YAP1: variants seen among roughly 807,000 people sequenced by gnomAD.
YAP1 encodes the protein Yes1 associated transcriptional regulator.
YAP1 carries 5 observed loss-of-function variants against 56.9 expected under a neutral mutation model. That is an observed-to-expected ratio of 0.09 (90% CI 0.05 to 0.18). The LOEUF is 0.18. YAP1 is among the 10% of genes least tolerant of loss of function. YAP1 has a pLI of 1.00. For synonymous variants in YAP1, 265 were observed against 248.1 expected (o/e 1.07, Z -0.64); for missense variants, 539 against 651.8 (o/e 0.83, Z 1.88).
chr11:102,182,758 T>C (rs1343810056), intron 3 of YAP1, among the ~76,000 whole-genome samples: 1 of 152,248 alleles, frequency 6.6e-6, no homozygotes, highest in African/African-American at 2.4e-5. Flanking sequence ...GGTGCGCAGC[T>C]TTCTTTCAGT....
intron 1 of YAP1, among the ~76,000 whole-genome samples, chr11:102,112,992 T>A (rs933784344): frequency 6.6e-6 from 1 of 151,918 alleles, no homozygotes; most frequent in Non-Finnish European, 1.5e-5. Context: ...TATAGTTTTG[T>A]TTGTTTTAAA....
intron 2 of YAP1, among the ~76,000 whole-genome samples, chr11:102,147,117 A>G (rs937437144): frequency 1.3e-5 from 2 of 152,200 alleles, no homozygotes; most frequent in Non-Finnish European, 2.9e-5. Context: ...TCGTAGAACT[A>G]ATAAGTGGCA....
chr11:102,212,881 A>G (rs951586837), intron 6 of YAP1, among the ~76,000 whole-genome samples: 3 of 152,116 alleles, frequency 2.0e-5, no homozygotes, highest in Non-Finnish European at 4.4e-5. Context: ...ACACCCTGCC[A>G]AAGAGCTTAA....
chr11:102,151,516 C>A (rs541348410), intron 2 of YAP1, among the ~76,000 whole-genome samples: 1 of 152,246 alleles, frequency 6.6e-6, no homozygotes, highest in Non-Finnish European at 1.5e-5. Flanking sequence ...TATCCTCTAT[C>A]ATTTTATATT....
At chr11:102,186,405 G>T in intron 4 of YAP1, 1 of 331,460 alleles carries the variant, frequency 3.0e-6, no homozygotes, top group Non-Finnish European at 5.6e-6. Flanking sequence ...TCACATTTTG[G>T]GAGAAACACA....
intron 3 of YAP1, among the ~76,000 whole-genome samples, chr11:102,166,319 T>G (rs1946606480): frequency 6.6e-6 from 1 of 152,216 alleles, no homozygotes; most frequent in Non-Finnish European, 1.5e-5. Flanking sequence ...CTGTTGTCTT[T>G]TCTTCCATTT....
intron 7 of YAP1, among the ~76,000 whole-genome samples, chr11:102,226,011 GCTT>G: frequency 6.6e-6 from 1 of 152,324 alleles, no homozygotes. Context: ...ATGCCCATGT[GCTT>G]CCCCTGTGGT....
intron 3 of YAP1, 144 bp from the exon 4 acceptor site, chr11:102,185,874 C>A (rs1170427090): frequency 2.6e-6 from 2 of 764,874 alleles, no homozygotes; most frequent in East Asian, 3.1e-5. Context: ...GTTTACCTTT[C>A]TTCTCTGAAC....
chr11:102,187,119 C>T (rs1231611214), intron 4 of YAP1, among the ~76,000 whole-genome samples: 1 of 151,690 alleles, frequency 6.6e-6, no homozygotes, highest in African/African-American at 2.4e-5. Flanking sequence ...CACAACCCTG[C>T]GGGGGGAAAA....
intron 4 of YAP1, among the ~76,000 whole-genome samples, chr11:102,203,783 G>A (rs1243062193): frequency 1.3e-5 from 2 of 152,136 alleles, no homozygotes; most frequent in African/African-American, 2.4e-5. Flanking sequence ...GAATAGAACA[G>A]TCATGAATTA....
At chr11:102,202,682 G>T (rs1305003371) in intron 4 of YAP1, among the ~76,000 whole-genome samples, 3 of 152,110 alleles carry the variant, frequency 2.0e-5, no homozygotes, top group African/African-American at 7.2e-5. Context: ...GGGAAGGAAT[G>T]ATACCATCAT....
intron 4 of YAP1, chr11:102,186,344 T>TG (rs1410242013): frequency 3.3e-5 from 16 of 481,550 alleles, no homozygotes; most frequent in African/African-American, 2.2e-4. Context: ...CTCCTCAGGT[T>TG]GGGGTGGGGG....
chr11:102,151,157 T>C (rs934339617), intron 2 of YAP1, among the ~76,000 whole-genome samples: 1 of 152,172 alleles, frequency 6.6e-6, no homozygotes, highest in African/African-American at 2.4e-5. Flanking sequence ...AAGACTAGAA[T>C]AGTACTTCTC....
intron 2 of YAP1, among the ~76,000 whole-genome samples, chr11:102,150,629 A>G (rs1365924294): frequency 1.3e-5 from 2 of 152,036 alleles, no homozygotes; most frequent in African/African-American, 2.4e-5. Flanking sequence ...CCACATGTCT[A>G]TAGCATTGTG....
intron 7 of YAP1, among the ~76,000 whole-genome samples, chr11:102,224,306 T>G (rs573071603): frequency 2.0e-4 from 30 of 152,356 alleles, no homozygotes; most frequent in African/African-American, 7.2e-4. Flanking sequence ...TCTTAGTGAG[T>G]TACCACAAAT....
intron 6 of YAP1, among the ~76,000 whole-genome samples, chr11:102,221,404 A>T (rs1949922002): frequency 6.6e-6 from 1 of 152,182 alleles, no homozygotes; most frequent in Non-Finnish European, 1.5e-5. Flanking sequence ...CTTGTGATAT[A>T]ACGTGCTTCT....
chr11:102,173,540 G>A (rs1161577444), intron 3 of YAP1, among the ~76,000 whole-genome samples: 1 of 152,126 alleles, frequency 6.6e-6, no homozygotes, highest in Admixed American at 6.5e-5. Flanking sequence ...AAAGAGTAGG[G>A]AACTGACATT....
chr11:102,121,775 A>G (rs1034786290), intron 2 of YAP1, among the ~76,000 whole-genome samples: 2 of 152,058 alleles, frequency 1.3e-5, no homozygotes, highest in African/African-American at 4.8e-5. Flanking sequence ...CATTTCTTTT[A>G]ATAAGGTATA....
In YAP1 at chr11:102,205,879, T is replaced by TC. The variant is rs750299050; in HGVS notation, c.803-13dup. The TC allele has an allele frequency of 7.5e-6, 11 of 1,470,546 alleles. No individual in the cohort carries two copies. The Admixed American group carries it at 1.2e-4, about 16-fold the overall frequency. The allele number at this position is 1,470,546 out of a possible 1,614,324, so 91.1% of individuals were successfully genotyped here. ...AGTTTTTTAGGACAGATTTTTTTTT[T>TC]CTTTTCATTTCAGCCATGAACCAGA... On this transcript the variant is annotated splice_polypyrimidine_tract_variant and intron_variant, in intron 4 of 8. Coordinates refer to ENST00000282441, the MANE Select transcript of YAP1 (RefSeq NM_001130145.3).
Sources: gnomAD v4.1 joint callset for allele counts (sites outside exome capture counted in the v4.1 genomes callset) on GRCh38, gnomAD v4.1.1 for gene constraint, MANE v1.5 for transcripts, NCBI Gene and HGNC (gene_info 2026-07-23, HGNC 2026-07-21) for gene names.